Variants in LAMA2 observed in about 807,000 individuals in gnomAD.
LAMA2 encodes laminin subunit alpha-2.
Under a neutral mutation model 364.8 loss-of-function variants are expected in LAMA2, and 269 were observed. The observed-to-expected ratio is 0.74, with a 90% CI of 0.67 to 0.82. LAMA2 has a LOEUF of 0.82. Ranked by LOEUF, LAMA2 falls within the 40% of genes least tolerant of loss-of-function variation. LAMA2 has a pLI of 0.00. For synonymous variants in LAMA2, 1,379 were observed against 1,370.6 expected, an observed-to-expected ratio of 1.01 and a Z score of -0.14; for missense variants, 3,807 against 3,873.2, an observed-to-expected ratio of 0.98 and a Z score of 0.45.
At chr6:129,477,974 G>A (rs1455908442) in intron 53 of LAMA2, among the ~76,000 whole-genome samples, 1 of 141,874 alleles carries the variant, frequency 7.0e-6, no homozygotes, top group Non-Finnish European at 1.6e-5. Flanking sequence ...GGAGGGCAAA[G>A]ACAGGGTCTC....
At chr6:128,927,569 C>A (rs1779174918) in intron 1 of LAMA2, among the ~76,000 whole-genome samples, 1 of 152,158 alleles carries the variant, frequency 6.6e-6, no homozygotes, top group South Asian at 2.1e-4. Context: ...GCTAAACATT[C>A]TCCCTCTGAA....
At position 129,391,657 on chromosome 6, in the gene LAMA2, AG is replaced by A; in HGVS notation, c.5234+5del. On this transcript the variant is annotated splice_donor_5th_base_variant and intron_variant, in intron 36 of 64. Transcript: ENST00000421865. Reference sequence around the variant, plus strand: ...AAATTGCTGAAGATGAGTTGGTGTGAGTAGATGAGTTATTATTTTTTCTTTT... The same window carrying A: ...AAATTGCTGAAGATGAGTTGGTGTGATAGATGAGTTATTATTTTTTCTTTT... 1 of 1,611,044 alleles carries A rather than the reference AG, an allele frequency of 6.2e-7. No individual in the cohort carries two copies. The highest frequency in any genetic ancestry group is 8.5e-7 in the Non-Finnish European group (1 of 1,177,474).
chr6:128,983,172 C>T (rs1193427396), intron 1 of LAMA2, among the ~76,000 whole-genome samples: 1 of 152,028 alleles, frequency 6.6e-6, no homozygotes, highest in African/African-American at 2.4e-5. Flanking sequence ...GTTCTAGATC[C>T]CTGAGGAATC....
chr6:129,085,999 C>T (rs144160821), intron 3 of LAMA2, among the ~76,000 whole-genome samples: 225 of 152,280 alleles, frequency 1.5e-3, no homozygotes, highest in African/African-American at 5.2e-3. Context: ...GGCTTGCAGC[C>T]GTCTCATTTT....
At chr6:129,287,336 T>G (rs112594157) in intron 18 of LAMA2, among the ~76,000 whole-genome samples, 2 of 152,090 alleles carry the variant, frequency 1.3e-5, no homozygotes, top group African/African-American at 4.8e-5. Flanking sequence ...ACAGCTCCCA[T>G]CCAATTAATA....
At chr6:128,914,488 T>G (rs9482954) in intron 1 of LAMA2, among the ~76,000 whole-genome samples, 33,717 of 152,120 alleles carry the variant, frequency 0.22, 5,592 homozygotes, top group African/African-American at 0.47. Flanking sequence ...TGTAATACTT[T>G]CTTCAAGTTC....
intron 27 of LAMA2, among the ~76,000 whole-genome samples, chr6:129,317,433 G>T (rs1774681523): frequency 6.6e-6 from 1 of 152,098 alleles, no homozygotes; most frequent in African/African-American, 2.4e-5. Flanking sequence ...CAAGACAGCA[G>T]AAAACCTTTT....
chr6:129,192,874 C>T (rs769982019), intron 12 of LAMA2, 21 bp downstream of exon 12: 3 of 1,609,714 alleles, frequency 1.9e-6, no homozygotes, highest in African/African-American at 1.3e-5. Context: ...GCTTGCTTCC[C>T]GCTATTCTGC....
At chr6:129,466,131 T>A (rs1174382101) in intron 51 of LAMA2, among the ~76,000 whole-genome samples, 1 of 151,972 alleles carries the variant, frequency 6.6e-6, no homozygotes, top group Non-Finnish European at 1.5e-5. Context: ...AATACATATC[T>A]GCCAGGCACC....
At chr6:128,987,215 T>C (rs1240229126) in intron 1 of LAMA2, among the ~76,000 whole-genome samples, 1 of 141,306 alleles carries the variant, frequency 7.1e-6, no homozygotes, top group Non-Finnish European at 1.5e-5. Context: ...CTCAGCTCAC[T>C]GTAAACTCTT....
At chr6:129,395,890 G>T (rs116532131) in intron 37 of LAMA2, among the ~76,000 whole-genome samples, 72 of 152,200 alleles carry the variant, frequency 4.7e-4, no homozygotes, top group Non-Finnish European at 8.5e-4. Flanking sequence ...AAGTTCAGTG[G>T]TTTGATAGGC....
chr6:129,493,421 G>A (rs1414741), intron 58 of LAMA2, among the ~76,000 whole-genome samples: 51,327 of 151,930 alleles, frequency 0.34, 9,231 homozygotes, highest in African/African-American at 0.47. Context: ...AGTACTAACC[G>A]GGCCCAACCC....
intron 40 of LAMA2, among the ~76,000 whole-genome samples, chr6:129,412,807 GC>G (rs1267278338): frequency 6.6e-6 from 1 of 152,126 alleles, no homozygotes; most frequent in African/African-American, 2.4e-5. Context: ...AGACATGTAG[GC>G]CCCTACCATA....
At chr6:128,948,111 G>A (rs1399687765) in intron 1 of LAMA2, among the ~76,000 whole-genome samples, 1 of 152,084 alleles carries the variant, frequency 6.6e-6, no homozygotes, top group Non-Finnish European at 1.5e-5. Flanking sequence ...AGAAAGCCAG[G>A]TCATTAGCCG....
chr6:129,433,605 A>G (rs1781702480), intron 41 of LAMA2, among the ~76,000 whole-genome samples: 1 of 152,146 alleles, frequency 6.6e-6, no homozygotes, highest in Non-Finnish European at 1.5e-5. Context: ...CATTTGAGAA[A>G]CTCAACTGGA....
In LAMA2 at chr6:129,088,271, A is replaced by G. The variant is rs555045755; in HGVS notation, c.397-9902A>G. On this transcript the variant is annotated intron_variant, in intron 3 of 64. Transcript: ENST00000421865. ...AGAATCTTTCTTAGTACAGAACAAA[A>G]TGGAGTCTCCTATGTCTACTTCTTT... is the stretch of plus-strand genomic sequence containing the variant. 6.4e-4 allele frequency among the ~76,000 whole-genome samples: 97 copies of G among 151,960 alleles called. 3 individuals are homozygous for G. Among genetic ancestry groups the G allele is most frequent in the African/African-American group, 2.2e-3 (93 of 41,508 alleles).
At chr6:129,146,873 A>T (rs949017006) in intron 5 of LAMA2, 86 bp from the exon 6 acceptor site, 1 of 871,924 alleles carries the variant, frequency 1.1e-6, no homozygotes, top group Non-Finnish European at 2.0e-6. Flanking sequence ...AAAAGCAGAA[A>T]ATAAAGTTTT....
intron 1 of LAMA2, among the ~76,000 whole-genome samples, chr6:128,951,922 T>C (rs1319921552): frequency 6.6e-6 from 1 of 152,182 alleles, no homozygotes; most frequent in Non-Finnish European, 1.5e-5. Flanking sequence ...CACAGCACTT[T>C]GGGAGGCTTG....
chr6:129,456,384 GC>G lies in LAMA2; in HGVS notation c.6759del (p.Ser2254AlafsTer18). 1 of 1,613,622 alleles carries G rather than the reference GC, an allele frequency of 6.2e-7. No individual in the cohort carries two copies. The highest frequency in any genetic ancestry group is 8.5e-7 in the Non-Finnish European group (1 of 1,179,690). On this transcript the variant is annotated frameshift_variant, in exon 48 of 65. Transcript: ENST00000421865. LOFTEE classifies it high-confidence loss of function. Reference protein sequence around the residue: ...ISVRALDGPKASIVPSTHHST... With the variant: ...ISVRALDGPKXSIVPSTHHST... ...TGTGAGAGCCCTGGATGGACCCAAA[GC>G]CAGCATTGTGCCCAGCACACACCAT...
Sources: allele counts gnomAD v4.1 joint callset (sites outside exome capture counted in the v4.1 genomes callset), GRCh38; gene constraint gnomAD v4.1.1; transcripts MANE v1.5; gene names NCBI Gene and HGNC (gene_info 2026-07-23, HGNC 2026-07-21).